The following SEC22C variants were observed in gnomAD, a reference collection of about 807,000 sequenced individuals.
SEC22C encodes the protein vesicle-trafficking protein SEC22c.
SEC22C carries 29 observed loss-of-function variants against 34.7 expected under a neutral mutation model. That is an observed-to-expected ratio of 0.84 (90% CI 0.62 to 1.14). The LOEUF (loss-of-function observed/expected upper bound fraction) is 1.14. SEC22C is among the 50% of genes most tolerant of loss of function. The pLI is 0.00. For synonymous variants in SEC22C, 117 were observed against 132.8 expected (o/e 0.88, Z 0.82); for missense variants, 337 against 369.0 (o/e 0.91, Z 0.71).
intron 1 of SEC22C, among the ~76,000 whole-genome samples, chr3:42,581,161 C>T (rs1404972911): frequency 6.6e-6 from 1 of 152,198 alleles, no homozygotes; most frequent in African/African-American, 2.4e-5. Flanking sequence ...CTAAAATTAT[C>T]TTTAGTGGGA....
chr3:42,560,022 C>T (rs1049927910), intron 4 of SEC22C, among the ~76,000 whole-genome samples: 2 of 151,500 alleles, frequency 1.3e-5, no homozygotes, highest in East Asian at 3.9e-4. Context: ...CGCTCTCATC[C>T]CCACTGTCCT....
rs1224794182 is a variant in SEC22C at position 42,551,115 on chromosome 3, C to A, written c.*2133G>T. Reference sequence around the variant, plus strand: ...ATCTCTTGACCTCGTGATCTGCCCACCTCAGCTTCCCAAAGTGTTATTGAC... The same window carrying A: ...ATCTCTTGACCTCGTGATCTGCCCAACTCAGCTTCCCAAAGTGTTATTGAC... On this transcript the variant is annotated 3_prime_UTR_variant, in exon 7 of 7. Coordinates refer to ENST00000264454, the MANE Select transcript of SEC22C (RefSeq NM_032970.4). 2 of 984,544 alleles carry A rather than the reference C, an allele frequency of 2.0e-6. No homozygotes were observed. Among genetic ancestry groups the A allele is most frequent in the Non-Finnish European group, 2.4e-6 (2 of 829,258 alleles). The allele number at this position is 984,544 out of a possible 1,614,324, so 61.0% of individuals were successfully genotyped here.
At chr3:42,582,500 A>C (rs908375776), upstream of SEC22C, among the ~76,000 whole-genome samples, 1 of 152,260 alleles carries the variant, frequency 6.6e-6, no homozygotes, top group Non-Finnish European at 1.5e-5. Context: ...ACTGGCTGGA[A>C]GGAGATTAGG....
intron 1 of SEC22C, among the ~76,000 whole-genome samples, chr3:42,593,100 TAG>T: frequency 6.6e-6 from 1 of 152,294 alleles, no homozygotes; most frequent in East Asian, 1.9e-4. Context: ...ATAAGTAATC[TAG>T]AGATTATTTA....
chr3:42,597,383 G>C (rs1705058627), intron 1 of SEC22C, among the ~76,000 whole-genome samples: 1 of 152,126 alleles, frequency 6.6e-6, no homozygotes, highest in Admixed American at 6.5e-5. Flanking sequence ...GTGAAACCCT[G>C]TCTCTACTAA....
At position 42,568,848 on chromosome 3, in the gene SEC22C, TG is replaced by T; in HGVS notation, c.182+16del. Reference sequence around the variant, plus strand: ...AAATTTTGCTAATATTCTGAAAAAGTGAATATGATCACTTACTGTATACTAA... The same window carrying T: ...AAATTTTGCTAATATTCTGAAAAAGTAATATGATCACTTACTGTATACTAA... On this transcript the variant is annotated intron_variant, in intron 2 of 6. Coordinates refer to ENST00000264454, the MANE Select transcript of SEC22C (RefSeq NM_032970.4). 1 of 1,610,066 alleles carries T rather than the reference TG, an allele frequency of 6.2e-7. No homozygotes were observed. Among genetic ancestry groups the T allele is most frequent in the South Asian group, 1.1e-5 (1 of 90,972 alleles).
At position 42,576,559 on chromosome 3, in the gene SEC22C, G is replaced by A. The variant is rs146112653; in HGVS notation, c.-28+5287C>T. Among the ~76,000 whole-genome samples, 46 of 151,922 alleles carry A rather than the reference G, an allele frequency of 3.0e-4. No individual in the cohort carries two copies. In the East Asian group the frequency reaches 6.4e-3, roughly 21 times the overall value. On this transcript the variant is annotated intron_variant, in intron 1 of 6. Coordinates refer to ENST00000264454, the MANE Select transcript of SEC22C (RefSeq NM_032970.4). ...TATAATTTTTTAAATAAAATACTTA[G>A]ATATAAATCTAACAAAACATATACA...
intron 5 of SEC22C, among the ~76,000 whole-genome samples, chr3:42,556,404 G>A (rs747953516): frequency 6.6e-6 from 1 of 152,218 alleles, no homozygotes; most frequent in Non-Finnish European, 1.5e-5. Context: ...CATCTTGCTG[G>A]CCAGGTACTA....
chr3:42,553,478 T>C (rs1702350182), intron 6 of SEC22C, 30 bp from the exon 7 acceptor site: 1 of 1,605,422 alleles, frequency 6.2e-7, no homozygotes, highest in Non-Finnish European at 8.5e-7. Context: ...GGAATTCCAA[T>C]CAGAGATAAA....
intron 1 of SEC22C, among the ~76,000 whole-genome samples, chr3:42,588,197 T>C (rs1029570954): frequency 1.3e-5 from 2 of 150,322 alleles, no homozygotes; most frequent in African/African-American, 4.9e-5. Context: ...AGGTCAGGAG[T>C]TCAAGACCAG....
chr3:42,600,913 C>A, intron 1 of SEC22C: 1 of 974,760 alleles, frequency 1.0e-6, no homozygotes, highest in Non-Finnish European at 1.4e-6. Context: ...TCGTCTCAGC[C>A]CCGCCCTCGC....
At chr3:42,564,949 G>A (rs1703144111) in intron 2 of SEC22C, among the ~76,000 whole-genome samples, 1 of 152,062 alleles carries the variant, frequency 6.6e-6, no homozygotes, top group African/African-American at 2.4e-5. Context: ...TAGAGATGGG[G>A]GTCTCTCTAT....
rs781083917 is a variant in SEC22C at position 42,548,227 on chromosome 3, A to G, written c.*5021T>C. The stretch of plus-strand genomic sequence containing the variant: ...GTTTTGCCCTGACTAAATCAGCCTC[A>G]GTATTTTATGCTTTTAGTAGAAAAG... On this transcript the variant is annotated 3_prime_UTR_variant, in exon 7 of 7. Coordinates refer to ENST00000264454, the MANE Select transcript of SEC22C (RefSeq NM_032970.4). 1.7e-4 allele frequency: 32 copies of G among 185,518 alleles called. No individual in the cohort carries two copies. The highest frequency in any genetic ancestry group is 3.1e-4 in the Non-Finnish European group (28 of 89,804). The allele number at this position is 185,518 out of a possible 1,614,324, so 11.5% of individuals were successfully genotyped here.
intron 2 of SEC22C, chr3:42,565,794 T>C (rs993051074): frequency 2.3e-6 from 1 of 434,466 alleles, no homozygotes; most frequent in Non-Finnish European, 4.5e-6. Context: ...GAACGAATTC[T>C]GTTGTTTGAA....
intron 3 of SEC22C, among the ~76,000 whole-genome samples, 172 bp from the exon 4 acceptor site, chr3:42,561,468 C>A (rs1474467362): frequency 1.3e-5 from 2 of 152,146 alleles, no homozygotes; most frequent in Non-Finnish European, 2.9e-5. Flanking sequence ...CTTGACCTCC[C>A]AGGCTCAAGT....
At chr3:42,565,458 G>A (rs561859103) in intron 2 of SEC22C, among the ~76,000 whole-genome samples, 2 of 152,280 alleles carry the variant, frequency 1.3e-5, no homozygotes, top group African/African-American at 4.8e-5. Flanking sequence ...CCCCTGGTGT[G>A]GGTTGAGTTT....
Position 42,550,166 on chromosome 3 carries a change from G to A in SEC22C, c.*3082C>T. On this transcript the variant is annotated 3_prime_UTR_variant, in exon 7 of 7. Transcript: ENST00000264454. ...GCCACACTCTGGCCTTGATACAGTA[G>A]ATGGGACTTAACACACTCTGATGCT... The A allele has an allele frequency of 1.0e-6, 1 of 985,472 alleles. No homozygotes were observed. Among genetic ancestry groups the A allele is most frequent in the Non-Finnish European group, 1.2e-6 (1 of 829,940 alleles). 61.0% of individuals were successfully genotyped at this position (985,472 alleles called of 1,614,324 possible).
In SEC22C at chr3:42,551,863, G is replaced by A. The variant is rs1300292247; in HGVS notation, c.*1385C>T. Reference sequence around the variant, plus strand: ...CCCTATCCACTCAACTCTTGTAATGGTTTTCCACTTTTAAAAACTATCAAA... The same window carrying A: ...CCCTATCCACTCAACTCTTGTAATGATTTTCCACTTTTAAAAACTATCAAA... On this transcript the variant is annotated 3_prime_UTR_variant, in exon 7 of 7. Coordinates refer to ENST00000264454, the MANE Select transcript of SEC22C (RefSeq NM_032970.4). The A allele has an allele frequency of 4.1e-6, 4 of 983,056 alleles. No individual in the cohort carries two copies. Among genetic ancestry groups the A allele is most frequent in the Admixed American group, 6.2e-5 (1 of 16,258 alleles). 60.9% of individuals were successfully genotyped at this position (983,056 alleles called of 1,614,324 possible). A position where few individuals can be genotyped will look rare whatever the true frequency, so the allele number is the denominator to read the frequency against.
chr3:42,567,078 T>C (rs1044265602), intron 2 of SEC22C, among the ~76,000 whole-genome samples: 4 of 152,174 alleles, frequency 2.6e-5, no homozygotes, highest in South Asian at 2.1e-4. Context: ...ACTTGGGTAA[T>C]TTTTAATTTT....
Sources: gnomAD v4.1 joint callset for allele counts (sites outside exome capture counted in the v4.1 genomes callset) on GRCh38, gnomAD v4.1.1 for gene constraint, MANE v1.5 for transcripts, NCBI Gene and HGNC (gene_info 2026-07-23, HGNC 2026-07-21) for gene names.